Variants in DST observed in about 807,000 individuals in gnomAD.
DST encodes the protein bullous pemphigoid antigen.
Under a neutral mutation model 875.2 loss-of-function variants are expected in DST, and 253 were observed. The ratio of observed to expected loss-of-function variants is 0.29; its 90% confidence interval spans 0.26 to 0.32. The LOEUF (loss-of-function observed/expected upper bound fraction) is 0.32. Among genes scored for constraint, DST ranks in the 10% least tolerant of loss-of-function variants. The pLI is 1.00. For synonymous variants in DST, 3,124 were observed against 3,197.1 expected (o/e 0.98, Z 0.77); for missense variants, 8,287 against 9,111.6 (o/e 0.91, Z 3.68).
At chr6:56,748,118 G>A (rs2099577759) in intron 4 of DST, among the ~76,000 whole-genome samples, 1 of 151,996 alleles carries the variant, frequency 6.6e-6, no homozygotes, top group Non-Finnish European at 1.5e-5. Flanking sequence ...AGCCTACCTG[G>A]ACAACATATA....
intron 10 of DST, among the ~76,000 whole-genome samples, chr6:56,662,068 A>G (rs775231247): frequency 5.3e-5 from 8 of 152,184 alleles, no homozygotes; most frequent in Non-Finnish European, 1.0e-4. Flanking sequence ...AAATAATTTT[A>G]TGAATGAAAG....
intron 22 of DST, among the ~76,000 whole-genome samples, 167 bp from the exon 23 acceptor site, chr6:56,636,819 C>G (rs1362733852): frequency 2.0e-5 from 3 of 152,186 alleles, no homozygotes; most frequent in Non-Finnish European, 4.4e-5. Context: ...TGGTGGCTCA[C>G]GCCTGTAGTC....
rs756483333 is a variant in DST, at chr6:56,639,344, T to C, written c.2879A>G (p.Asp960Gly). 6.2e-7 allele frequency: 1 copy of C among 1,613,540 alleles called. No homozygotes were observed. Among genetic ancestry groups the C allele is most frequent in the East Asian group, 2.2e-5 (1 of 44,840 alleles). Residue 960 changes from aspartate (D) to glycine (G), a missense_variant, in exon 22 of 104, where the codon GAT becomes GGT. Around this residue, in one of 10 missense-constraint regions of DST, gnomAD observed 1,160 missense variants for 1,424.3 expected, o/e 0.81. Coordinates refer to ENST00000680361, the MANE Select transcript of DST (RefSeq NM_001374736.1). ...TGATTTAATATTTTCTTCCTTTTGATCAAGTTCTCTCATTAATTCCTTCAA... is the reference window on the plus strand; with the variant it reads ...TGATTTAATATTTTCTTCCTTTTGACCAAGTTCTCTCATTAATTCCTTCAA... ...DYHAELMRELDQKEENIKSVQ... is the reference protein window; with the variant it reads ...DYHAELMRELGQKEENIKSVQ...
chr6:56,673,740 T>A (rs1174437085), intron 9 of DST, among the ~76,000 whole-genome samples: 1 of 152,242 alleles, frequency 6.6e-6, no homozygotes, highest in Non-Finnish European at 1.5e-5. Flanking sequence ...TTCCAAGGTA[T>A]ATTCATATAA....
chr6:56,605,909 TGC>T lies in DST; in HGVS notation c.8717_8718del (p.Ser2906LysfsTer8), dbSNP rs748537681. Reference sequence around the variant, plus strand: ...ATCTCATGGTTCAACAGATTTTCTTTGCTTTTTCCAGCAATCTCAGTTGTATA... The same window carrying T: ...ATCTCATGGTTCAACAGATTTTCTTTTTTTTCCAGCAATCTCAGTTGTATA... ...PEYTTEIAGK[S>X]KENLLNHEMV... is the part of the protein sequence containing the mutation. On this transcript the variant is annotated frameshift_variant, in exon 40 of 104. Coordinates refer to ENST00000680361, the MANE Select transcript of DST (RefSeq NM_001374736.1). LOFTEE classifies it high-confidence loss of function. The T allele has an allele frequency of 6.2e-7, 1 of 1,612,864 alleles. No individual in the cohort carries two copies. Among genetic ancestry groups the T allele is most frequent in the Non-Finnish European group, 8.5e-7 (1 of 1,179,420 alleles).
intron 80 of DST, among the ~76,000 whole-genome samples, chr6:56,500,804 C>T (rs1237565249): frequency 1.3e-5 from 2 of 152,094 alleles, no homozygotes; most frequent in Non-Finnish European, 2.9e-5. Context: ...TAGTGTTTGC[C>T]ATGCAGCTCT....
At chr6:56,465,985 A>G (rs371742862) in intron 99 of DST, 93 bp downstream of exon 99, 14 of 1,030,288 alleles carry the variant, frequency 1.4e-5, no homozygotes, top group East Asian at 5.3e-5. Context: ...TATTGGAATA[A>G]ATGACCAAAA....
intron 2 of DST, among the ~76,000 whole-genome samples, chr6:56,901,749 C>CT (rs150616930): frequency 0.042 from 6,396 of 152,076 alleles, 404 homozygotes; most frequent in African/African-American, 0.14. Context: ...TTTTCCTCTT[C>CT]TTTAGAGCAA....
chr6:56,517,410 G>A (rs1181592359), intron 70 of DST, 91 bp downstream of exon 70: 8 of 1,583,202 alleles, frequency 5.1e-6, no homozygotes, highest in Non-Finnish European at 6.9e-6. Context: ...CACTAGAGGG[G>A]TCTTAAAAAG....
chr6:56,630,369 T>G lies in DST; in HGVS notation c.4157A>C (p.Asn1386Thr), dbSNP rs1160187422. 1 of 1,612,596 alleles carries G rather than the reference T, an allele frequency of 6.2e-7. No homozygotes were observed. The highest frequency in any genetic ancestry group is 8.5e-7 in the Non-Finnish European group (1 of 1,179,886). The part of the protein sequence containing the change: ...STYIDKLKTV[N>T]LVLKNTQAAE... ...AGCTTGAGTGTTTTTTAACACCAAGTTAACAGTTTTCAACCTTAAAAAGGA... is the reference window on the plus strand; with the variant it reads ...AGCTTGAGTGTTTTTTAACACCAAGGTAACAGTTTTCAACCTTAAAAAGGA... Residue 1386 changes from asparagine to threonine, a missense_variant, in exon 31 of 104, where the codon AAC becomes ACC. This residue lies in a region of DST where 3,138 missense variants were observed against 3,116.6 expected (regional missense o/e 1.01). Coordinates refer to ENST00000680361, the MANE Select transcript of DST (RefSeq NM_001374736.1).
intron 3 of DST, 41 bp from the exon 4 acceptor site, chr6:56,851,645 C>T: frequency 1.3e-6 from 2 of 1,590,642 alleles, no homozygotes; most frequent in Non-Finnish European, 1.7e-6. Flanking sequence ...CAGCAAAATA[C>T]TCACATATGC....
chr6:56,938,476 T>G (rs1814457648), intron 2 of DST, among the ~76,000 whole-genome samples: 2 of 151,946 alleles, frequency 1.3e-5, no homozygotes, highest in African/African-American at 4.8e-5. Flanking sequence ...AGAAGTAATT[T>G]CCATACATAT....
chr6:56,597,740 C>T lies in DST; in HGVS notation c.12195G>A (p.Lys4065=). ...ENLNQQYQKV[K]AQHEKIISQH... is the part of the protein sequence containing the mutation. ...ATATCATATGTTTATAACAACACAC[C>T]TTAACTTTCTGATATTGCTGATTCA... The change falls in exon 47 of 104, where the codon AAG becomes AAA. Residue 4065 remains lysine, a splice_region_variant and synonymous_variant. Coordinates refer to ENST00000680361, the MANE Select transcript of DST (RefSeq NM_001374736.1). 6.2e-7 allele frequency: 1 copy of T among 1,612,802 alleles called. No homozygotes were observed. The highest frequency in any genetic ancestry group is 2.2e-5 in the East Asian group (1 of 44,856).
At chr6:56,541,515 T>C (rs1266132740) in intron 61 of DST, 1 of 153,140 alleles carries the variant, frequency 6.5e-6, no homozygotes, top group Non-Finnish European at 1.5e-5. Flanking sequence ...TCTTCACCCT[T>C]CCCTACACAT....
chr6:56,866,152 C>T (rs1009988632), intron 3 of DST, among the ~76,000 whole-genome samples: 1 of 151,978 alleles, frequency 6.6e-6, no homozygotes, highest in East Asian at 1.9e-4. Flanking sequence ...TGCCACCACA[C>T]CCGGCTAATT....
At chr6:56,741,878 A>C (rs2099547999) in intron 4 of DST, among the ~76,000 whole-genome samples, 1 of 152,222 alleles carries the variant, frequency 6.6e-6, no homozygotes, top group Non-Finnish European at 1.5e-5. Flanking sequence ...ATATATATTT[A>C]TATCCCCCTT....
chr6:56,767,222 T>G (rs1589892619), intron 4 of DST, among the ~76,000 whole-genome samples: 1 of 152,188 alleles, frequency 6.6e-6, no homozygotes, highest in East Asian at 1.9e-4. Flanking sequence ...GAAAACCTAC[T>G]ATGCTTTATG....
chr6:56,726,686 A>G (rs968300891), intron 5 of DST, among the ~76,000 whole-genome samples: 7 of 152,220 alleles, frequency 4.6e-5, no homozygotes, highest in South Asian at 4.1e-4. Flanking sequence ...GAAAGTCACC[A>G]TAAGTTTATT....
At chr6:56,748,759 A>G (rs539661268) in intron 4 of DST, among the ~76,000 whole-genome samples, 5 of 152,296 alleles carry the variant, frequency 3.3e-5, no homozygotes, top group African/African-American at 1.2e-4. Flanking sequence ...TAAGCAAGGA[A>G]ACAGCAGAGC....
Sources: allele counts gnomAD v4.1 joint callset (sites outside exome capture counted in the v4.1 genomes callset), GRCh38; gene constraint gnomAD v4.1.1; regional missense constraint gnomAD v4.1.1; transcripts MANE v1.5; gene names NCBI Gene and HGNC (gene_info 2026-07-23, HGNC 2026-07-21).